The following C8orf34 variants were observed in gnomAD, a reference collection of about 807,000 sequenced individuals.
C8orf34 encodes the protein chromosome 8 open reading frame 34.
In C8orf34, 65 loss-of-function variants were observed where a neutral mutation model predicts 68.3. The ratio of observed to expected loss-of-function variants is 0.95; its 90% CI spans 0.78 to 1.17. The LOEUF is 1.17. Among genes scored for constraint, C8orf34 ranks in the 50% most tolerant of loss-of-function variants. The probability of loss-of-function intolerance (pLI) is 0.00; values close to 1 mark genes in which losing one functional copy is unlikely to be tolerated. For synonymous variants in C8orf34, 244 were observed against 241.2 expected, an observed-to-expected ratio of 1.01 and a Z score of -0.11; for missense variants, 664 against 655.4, an observed-to-expected ratio of 1.01 and a Z score of -0.14.
intron 11 of C8orf34, among the ~76,000 whole-genome samples, chr8:68,778,568 T>C (rs753237222): frequency 6.6e-6 from 1 of 152,148 alleles, no homozygotes; most frequent in Non-Finnish European, 1.5e-5. Flanking sequence ...TTCAACATCT[T>C]CTATTTTTCA....
intron 12 of C8orf34, among the ~76,000 whole-genome samples, chr8:68,794,503 A>ATTTTTT (rs1282291648): frequency 2.6e-5 from 2 of 78,416 alleles, no homozygotes; most frequent in African/African-American, 1.6e-4. Flanking sequence ...ATATATATAT[A>ATTTTTT]TATTTTTTTT....
At chr8:68,806,344 T>C (rs1407818053) in intron 12 of C8orf34, among the ~76,000 whole-genome samples, 1 of 152,176 alleles carries the variant, frequency 6.6e-6, no homozygotes, top group Non-Finnish European at 1.5e-5. Context: ...TTGTTTTAGT[T>C]TGTAATTACT....
intron 13 of C8orf34, among the ~76,000 whole-genome samples, chr8:68,817,230 A>G (rs888993565): frequency 6.6e-6 from 1 of 152,198 alleles, no homozygotes; most frequent in Non-Finnish European, 1.5e-5. Context: ...TGGTGATTAT[A>G]GAAGCATGAG....
rs532696068 is a variant in C8orf34 at position 68,437,545 on chromosome 8, G to T, written c.328-1954G>T. On this transcript the variant is annotated intron_variant, in intron 1 of 13. Coordinates refer to ENST00000518698, the MANE Select transcript of C8orf34 (RefSeq NM_052958.4). ...ACATAATAGAGGTAAAATCCAAAATGTTTTAGATTGCATTCCACAGATGTA... is the reference window on the plus strand; with the variant it reads ...ACATAATAGAGGTAAAATCCAAAATTTTTTAGATTGCATTCCACAGATGTA... Among the ~76,000 whole-genome samples the T allele has an allele frequency of 7.2e-5, 11 of 152,186 alleles. No individual in the cohort carries two copies. The South Asian group carries it at 2.3e-3, about 32-fold the overall frequency.
chr8:68,816,003 A>G, intron 13 of C8orf34, 58 bp downstream of exon 13: 1 of 1,612,528 alleles, frequency 6.2e-7, no homozygotes, highest in Non-Finnish European at 8.5e-7. Flanking sequence ...ACCTTCTAAA[A>G]CTGCTCAGGA....
At chr8:68,612,611 T>A (rs1012095582) in intron 7 of C8orf34, among the ~76,000 whole-genome samples, 1 of 152,178 alleles carries the variant, frequency 6.6e-6, no homozygotes, top group Non-Finnish European at 1.5e-5. Flanking sequence ...TATTTATACA[T>A]TCAATGAACA....
chr8:68,700,451 G>A (rs932483142), intron 8 of C8orf34, among the ~76,000 whole-genome samples: 1 of 152,154 alleles, frequency 6.6e-6, no homozygotes, highest in Non-Finnish European at 1.5e-5. Context: ...ACTGGGACTT[G>A]GGGAGGATAG....
intron 1 of C8orf34, among the ~76,000 whole-genome samples, chr8:68,437,557 A>G (rs1181974405): frequency 6.6e-6 from 1 of 152,212 alleles, no homozygotes; most frequent in Non-Finnish European, 1.5e-5. Context: ...TTTAGATTGC[A>G]TTCCACAGAT....
intron 7 of C8orf34, among the ~76,000 whole-genome samples, chr8:68,546,627 A>G (rs1311529465): frequency 2.0e-5 from 3 of 151,848 alleles, no homozygotes; most frequent in Admixed American, 1.3e-4. Context: ...CAGTATCAAC[A>G]TTTACAGTAG....
chr8:68,502,891 A>C (rs896225866), intron 5 of C8orf34, among the ~76,000 whole-genome samples: 10 of 152,214 alleles, frequency 6.6e-5, no homozygotes, highest in African/African-American at 2.2e-4. Context: ...AAAAACAAAA[A>C]CAACAGAAAA....
chr8:68,337,567 T>TA (rs1805903629), intron 1 of C8orf34, among the ~76,000 whole-genome samples: 1 of 152,132 alleles, frequency 6.6e-6, no homozygotes, highest in African/African-American at 2.4e-5. Context: ...ATGTGGTCTC[T>TA]ATGTGAATGG....
At chr8:68,661,318 A>G (rs574051149) in intron 8 of C8orf34, among the ~76,000 whole-genome samples, 1 of 152,322 alleles carries the variant, frequency 6.6e-6, no homozygotes, top group East Asian at 1.9e-4. Context: ...CTCGGAAATG[A>G]AAAAGTGAAA....
intron 7 of C8orf34, among the ~76,000 whole-genome samples, chr8:68,606,021 A>T (rs1274922936): frequency 6.6e-6 from 1 of 152,078 alleles, no homozygotes; most frequent in East Asian, 1.9e-4. Flanking sequence ...CTGTGAACAT[A>T]ATACTGCTCT....
intron 4 of C8orf34, among the ~76,000 whole-genome samples, chr8:68,470,611 A>G (rs987204744): frequency 2.0e-5 from 3 of 152,068 alleles, no homozygotes; most frequent in African/African-American, 4.8e-5. Flanking sequence ...CTGTAGCCTG[A>G]GTGACTTATT....
At chr8:68,632,676 C>T (rs965545389) in intron 7 of C8orf34, among the ~76,000 whole-genome samples, 1 of 152,106 alleles carries the variant, frequency 6.6e-6, no homozygotes, top group Non-Finnish European at 1.5e-5. Context: ...CAGGCCAGGG[C>T]CCTGCTCCTC....
intron 11 of C8orf34, among the ~76,000 whole-genome samples, chr8:68,780,224 C>A (rs1296076410): frequency 6.6e-6 from 1 of 152,192 alleles, no homozygotes; most frequent in Non-Finnish European, 1.5e-5. Flanking sequence ...TGTAAAATAG[C>A]TGAAGTCAAT....
intron 7 of C8orf34, among the ~76,000 whole-genome samples, chr8:68,543,552 G>A (rs1031466719): frequency 6.6e-6 from 1 of 152,004 alleles, no homozygotes. Context: ...ACATACAGTG[G>A]ATCAGGCAAT....
At chr8:68,477,156 A>G (rs564241965) in intron 4 of C8orf34, among the ~76,000 whole-genome samples, 52 of 152,310 alleles carry the variant, frequency 3.4e-4, no homozygotes, top group African/African-American at 1.2e-3. Context: ...CTCAGATCAC[A>G]TGTCATATTA....
intron 7 of C8orf34, among the ~76,000 whole-genome samples, chr8:68,604,699 A>G (rs1410328468): frequency 2.0e-5 from 3 of 152,090 alleles, no homozygotes; most frequent in Non-Finnish European, 4.4e-5. Context: ...GCCCTTCATA[A>G]CAATTAATTC....
Sources: allele counts gnomAD v4.1 joint callset (sites outside exome capture counted in the v4.1 genomes callset), GRCh38; gene constraint gnomAD v4.1.1; transcripts MANE v1.5; gene names NCBI Gene and HGNC (gene_info 2026-07-23, HGNC 2026-07-21).